Variants in ZNF462 observed in about 807,000 individuals in gnomAD.
The protein encoded by ZNF462 is zinc finger protein 462.
A neutral mutation model predicts 201.9 loss-of-function variants in ZNF462; 10 were observed. That is an observed-to-expected ratio of 0.05 (90% CI 0.03 to 0.08). The LOEUF is 0.08. Among genes scored for constraint, ZNF462 ranks in the 10% least tolerant of loss-of-function variants. The pLI is 1.00. For missense variants in ZNF462, 2,523 were observed against 3,168.3 expected, an observed-to-expected ratio of 0.80 and a Z score of 4.89; for synonymous variants, 1,227 against 1,193.3, an observed-to-expected ratio of 1.03 and a Z score of -0.58.
At position 107,008,228 on chromosome 9, in the gene ZNF462, C is replaced by A. The variant is rs1301156123; in HGVS notation, c.7190-1317C>A. On this transcript the variant is annotated intron_variant, in intron 11 of 12. Coordinates refer to ENST00000277225, the MANE Select transcript of ZNF462 (RefSeq NM_021224.6). The surrounding 1 kb of genome is among the most constrained non-coding windows in gnomAD (Gnocchi z 4.8). ...CCTGCTAAGGAATTAATGCGCAGAG[C>A]AGATGGTGCTGTCTCATTTCCAATG... Among the ~76,000 whole-genome samples, 1 of 152,318 alleles carries A rather than the reference C, an allele frequency of 6.6e-6. No homozygotes were observed. The highest frequency in any genetic ancestry group is 2.4e-5 in the African/African-American group (1 of 41,572).
intron 10 of ZNF462, among the ~76,000 whole-genome samples, chr9:106,999,671 G>GATAGAGAACAGGA (rs1225792968): frequency 6.6e-6 from 1 of 152,172 alleles, no homozygotes; most frequent in African/African-American, 2.4e-5. Flanking sequence ...ATAATCTACA[G>GATAGAGAACAGGA]ATAGAGAACA....
intron 6 of ZNF462, among the ~76,000 whole-genome samples, chr9:106,937,337 T>G (rs1356637862): frequency 6.6e-6 from 1 of 152,174 alleles, no homozygotes; most frequent in Non-Finnish European, 1.5e-5. Context: ...ACTTCACATG[T>G]GAACCCATTT....
intron 1 of ZNF462, among the ~76,000 whole-genome samples, chr9:106,877,296 A>AT (rs397893311): frequency 0.061 from 5,558 of 91,186 alleles, 396 homozygotes; most frequent in African/African-American, 0.14. Context: ...ACTACTCATG[A>AT]TTTTTTTTTT....
chr9:106,916,143 T>C (rs1212715625), intron 1 of ZNF462, among the ~76,000 whole-genome samples: 1 of 152,210 alleles, frequency 6.6e-6, no homozygotes, highest in Non-Finnish European at 1.5e-5. Flanking sequence ...TTTTTTTCTT[T>C]GCATAGTAAT....
Position 106,917,125 on chromosome 9 carries a change from AT to A in ZNF462, c.-30-6228del, listed in dbSNP as rs1829806381. On this transcript the variant is annotated intron_variant, in intron 1 of 12. Transcript: ENST00000277225. The surrounding 1 kb of genome is among the most constrained non-coding windows in gnomAD (Gnocchi z 4.5). ...GAAGGTATGTAGTATCTCTTTCTGT[AT>A]GAGACACTTACTACCTGCTTTCATA... 3.9e-5 allele frequency among the ~76,000 whole-genome samples: 6 copies of A among 152,228 alleles called. No individual in the cohort carries two copies. The highest frequency in any genetic ancestry group is 8.8e-5 in the Non-Finnish European group (6 of 68,044).
intron 10 of ZNF462, among the ~76,000 whole-genome samples, chr9:106,996,632 A>T (rs1164034875): frequency 6.6e-6 from 1 of 152,152 alleles, no homozygotes; most frequent in East Asian, 1.9e-4. Flanking sequence ...GTGTCTGTTC[A>T]TATCCTTTGC....
At chr9:106,863,115 A>G (rs948358806), upstream of ZNF462, 16 of 393,716 alleles carry the variant, frequency 4.1e-5, no homozygotes, top group Non-Finnish European at 6.7e-5. Context: ...AGGGAGGGAG[A>G]GAGAGAGAGA....
At chr9:106,982,458 T>TAA (rs1380321200) in intron 9 of ZNF462, among the ~76,000 whole-genome samples, 3 of 152,180 alleles carry the variant, frequency 2.0e-5, no homozygotes, top group Admixed American at 6.5e-5. Context: ...ATGAGCTCCT[T>TAA]AAGATTTACT....
chr9:106,980,459 T>G (rs747311149), intron 9 of ZNF462, among the ~76,000 whole-genome samples: 6 of 152,150 alleles, frequency 3.9e-5, no homozygotes, highest in Admixed American at 6.5e-5. Context: ...GGTGTGCCTT[T>G]CAGGAAGGAT....
At chr9:106,907,312 G>A (rs2131253626) in intron 1 of ZNF462, among the ~76,000 whole-genome samples, 1 of 152,208 alleles carries the variant, frequency 6.6e-6, no homozygotes, top group Non-Finnish European at 1.5e-5. Context: ...TAACAATCTT[G>A]TGCTTGAGAC....
rs144710587 is a variant in ZNF462, at chr9:106,923,631, C to T, written c.220+28C>T. The T allele has an allele frequency of 3.3e-4, 528 of 1,604,542 alleles. 1 individual carries two copies. The African/African-American group carries it at 5.7e-3, about 17-fold the overall frequency. ...AAATCTATACTAAACTTGGCACGGCCGATGTATTTTAATTGCTCTTGTTTC... is the reference window on the plus strand; with the variant it reads ...AAATCTATACTAAACTTGGCACGGCTGATGTATTTTAATTGCTCTTGTTTC... On this transcript the variant is annotated intron_variant, in intron 2 of 12. Coordinates refer to ENST00000277225, the MANE Select transcript of ZNF462 (RefSeq NM_021224.6). The surrounding 1 kb of genome is among the most constrained non-coding windows in gnomAD (Gnocchi z 5.6).
rs1827424944 is a variant in ZNF462 at position 106,868,086 on chromosome 9, A to AG, written c.-31+4731_-31+4732insG. On this transcript the variant is annotated intron_variant, in intron 1 of 12. Transcript: ENST00000277225. ...AATCCAGTGAACTGAAAAAAAAAAA[A>AG]AATCAGTGTGTGTAAAAGCAAGTAT... Among the ~76,000 whole-genome samples, 12 of 151,914 alleles carry AG rather than the reference A, an allele frequency of 7.9e-5. No individual in the cohort carries two copies. The South Asian group carries it at 2.5e-3, about 32-fold the overall frequency.
At position 106,930,851 on chromosome 9, in the gene ZNF462, C is replaced by A; in HGVS notation, c.6012+162C>A. On this transcript the variant is annotated intron_variant, in intron 4 of 12. Coordinates refer to ENST00000277225, the MANE Select transcript of ZNF462 (RefSeq NM_021224.6). The surrounding 1 kb of genome is among the most constrained non-coding windows in gnomAD (Gnocchi z 5.8). ...TGTTTTGATTTCTTTGCAGGTTGGACCTTCCTCATCTTTCTGTTCAGGGAA... is the reference window on the plus strand; with the variant it reads ...TGTTTTGATTTCTTTGCAGGTTGGAACTTCCTCATCTTTCTGTTCAGGGAA... 1.2e-6 allele frequency: 1 copy of A among 803,550 alleles called. No individual in the cohort carries two copies. Among genetic ancestry groups the A allele is most frequent in the Middle Eastern group, 3.8e-4 (1 of 2,606 alleles). The allele number at this position is 803,550 out of a possible 1,614,324, so 49.8% of individuals were successfully genotyped here. A position where few individuals can be genotyped will look rare whatever the true frequency, so the allele number is the denominator to read the frequency against.
At chr9:106,992,859 A>T (rs1304523168) in intron 10 of ZNF462, among the ~76,000 whole-genome samples, 2 of 152,196 alleles carry the variant, frequency 1.3e-5, no homozygotes, top group Non-Finnish European at 2.9e-5. Context: ...CCTAAAACAG[A>T]TGCAAGTTTC....
intron 9 of ZNF462, among the ~76,000 whole-genome samples, chr9:106,983,907 GAATT>G: frequency 6.6e-6 from 1 of 152,100 alleles, no homozygotes; most frequent in African/African-American, 2.4e-5. Context: ...CTCCATTCAG[GAATT>G]AGCAAGCACC....
At position 106,926,276 on chromosome 9, in the gene ZNF462, G is replaced by C; in HGVS notation, c.2364G>C (p.Glu788Asp). The change falls in exon 3 of 13, where the codon GAG (glutamate) becomes GAC (aspartate). Residue 788 changes from glutamate to aspartate, a missense_variant. This residue lies in a region of ZNF462 where 383 missense variants were observed against 453.4 expected (regional missense o/e 0.84). Transcript: ENST00000277225. The surrounding 1 kb of genome is among the most constrained non-coding windows in gnomAD (Gnocchi z 7.9). ...ATTACAATGCCACCAATGGGGCTGAGATTGAGCTCACCCTTTCTGAAGATG... is the reference window on the plus strand; with the variant it reads ...ATTACAATGCCACCAATGGGGCTGACATTGAGCTCACCCTTTCTGAAGATG... The part of the protein sequence containing the change: ...THDYNATNGA[E>D]IELTLSEDEE... 1.9e-6 allele frequency: 3 copies of C among 1,614,186 alleles called. No individual in the cohort carries two copies. Among genetic ancestry groups the C allele is most frequent in the Non-Finnish European group, 2.5e-6 (3 of 1,180,036 alleles).
chr9:106,861,703 C>T (rs1827070996), upstream of ZNF462, among the ~76,000 whole-genome samples: 1 of 152,278 alleles, frequency 6.6e-6, no homozygotes, highest in Non-Finnish European at 1.5e-5. Flanking sequence ...ACCCCCACCG[C>T]TCCCAGTCCA....
At chr9:106,947,891 G>A (rs1280261784) in intron 7 of ZNF462, among the ~76,000 whole-genome samples, 1 of 152,176 alleles carries the variant, frequency 6.6e-6, no homozygotes, top group Non-Finnish European at 1.5e-5. Context: ...TACAGGAAAT[G>A]AAAGACAAGT....
chr9:107,008,814 G>A lies in ZNF462; in HGVS notation c.7190-731G>A, dbSNP rs1829742206. On this transcript the variant is annotated intron_variant, in intron 11 of 12. Coordinates refer to ENST00000277225, the MANE Select transcript of ZNF462 (RefSeq NM_021224.6). The surrounding 1 kb of genome is among the most constrained non-coding windows in gnomAD (Gnocchi z 4.8). ...TTTGATGTTTACAACAGACCGTCCA[G>A]AAATGTCTGCATATCCCCGTATTCA... 6.6e-6 allele frequency among the ~76,000 whole-genome samples: 1 copy of A among 152,202 alleles called. No homozygotes were observed. The highest frequency in any genetic ancestry group is 2.1e-4 in the South Asian group (1 of 4,826).
Sources: allele counts gnomAD v4.1 joint callset (sites outside exome capture counted in the v4.1 genomes callset), GRCh38; gene constraint gnomAD v4.1.1; regional missense constraint gnomAD v4.1.1; non-coding constraint Gnocchi (gnomAD v3.1); transcripts MANE v1.5; gene names NCBI Gene and HGNC (gene_info 2026-07-23, HGNC 2026-07-21).